The following VPS26B variants were observed in gnomAD, a reference collection of about 807,000 sequenced individuals.
The protein encoded by VPS26B is vacuolar protein sorting-associated protein 26B.
In VPS26B, 10 loss-of-function variants were observed where a neutral mutation model predicts 33.3. That is an observed-to-expected ratio of 0.30 (90% CI 0.19 to 0.51). The LOEUF (loss-of-function observed/expected upper bound fraction) is 0.51. VPS26B is among the 20% of genes least tolerant of loss of function. The pLI, the probability that VPS26B is intolerant of heterozygous loss-of-function variation, is 0.98. For synonymous variants in VPS26B, 190 were observed against 176.9 expected (o/e 1.07, Z -0.59); for missense variants, 317 against 452.7 (o/e 0.70, Z 2.72).
At chr11:134,243,542 T>G in intron 4 of VPS26B, 2 of 491,764 alleles carry the variant, frequency 4.1e-6, no homozygotes, top group East Asian at 6.6e-5. Context: ...TATATCGGGC[T>G]TGTACTGAAG....
intron 1 of VPS26B, among the ~76,000 whole-genome samples, chr11:134,234,348 A>G (rs1938600425): frequency 6.6e-6 from 1 of 152,188 alleles, no homozygotes; most frequent in African/African-American, 2.4e-5. Context: ...GACCTGCATT[A>G]TACCAGCTGA....
Position 134,246,010 on chromosome 11 carries a change from TC to T in VPS26B, c.*424del, listed in dbSNP as rs1430978646. On this transcript the variant is annotated 3_prime_UTR_variant, in exon 6 of 6. Coordinates refer to ENST00000281187, the MANE Select transcript of VPS26B (RefSeq NM_052875.5). ...GGCCCTGGGTAGTCACATCTTGTAC[TC>T]CCCTTTGCTGTCCCGGAGGTAGTGG... The T allele has an allele frequency of 1.8e-5, 3 of 164,800 alleles. No individual in the cohort carries two copies. Among genetic ancestry groups the T allele is most frequent in the African/African-American group, 7.2e-5 (3 of 41,936 alleles). The allele number at this position is 164,800 out of a possible 1,614,324, so 10.2% of individuals were successfully genotyped here.
chr11:134,246,389 T>C lies in VPS26B; in HGVS notation c.*799T>C, dbSNP rs1480663525. ...CACTTGGTAACCCCAAGGTCTGGGC[T>C]GTTCTAGGTATTGCTTCACGTGCCC... On this transcript the variant is annotated 3_prime_UTR_variant, in exon 6 of 6. Coordinates refer to ENST00000281187, the MANE Select transcript of VPS26B (RefSeq NM_052875.5). 2.0e-5 allele frequency: 3 copies of C among 152,186 alleles called. No individual in the cohort carries two copies. The highest frequency in any genetic ancestry group is 6.5e-5 in the Admixed American group (1 of 15,280). 9.4% of individuals were successfully genotyped at this position (152,186 alleles called of 1,614,324 possible).
At position 134,245,924 on chromosome 11, in the gene VPS26B, G is replaced by A; in HGVS notation, c.*334G>A. 1 of 265,380 alleles carries A rather than the reference G, an allele frequency of 3.8e-6. No individual in the cohort carries two copies. The highest frequency in any genetic ancestry group is 7.4e-6 in the Non-Finnish European group (1 of 135,234). 16.4% of individuals were successfully genotyped at this position (265,380 alleles called of 1,614,324 possible). On this transcript the variant is annotated 3_prime_UTR_variant, in exon 6 of 6. Transcript: ENST00000281187. The surrounding 1 kb of genome is among the most constrained non-coding windows in gnomAD (Gnocchi z 4.7). ...AGAGAGCACGCATCCTTGGCTCCTG[G>A]CTCTCTGAGCTTCCTGATACAGGAT...
chr11:134,243,698 C>T (rs552730639), intron 4 of VPS26B: 7 of 167,058 alleles, frequency 4.2e-5, no homozygotes, highest in Non-Finnish European at 7.7e-5. Context: ...TGACTTGGCT[C>T]TAGCTCCGAT....
rs947576493 is a variant in VPS26B, at chr11:134,240,476, T to C, written c.545+321T>C. On this transcript the variant is annotated intron_variant, in intron 3 of 5. Transcript: ENST00000281187. The surrounding 1 kb of genome is among the most constrained non-coding windows in gnomAD (Gnocchi z 4.4). ...TTTTGGAATTCCAGCTTCAGCTGTT[T>C]CCCGCTACTGCTAAGAACAATCTCA... 1.3e-5 allele frequency among the ~76,000 whole-genome samples: 2 copies of C among 152,234 alleles called. No homozygotes were observed. Among genetic ancestry groups the C allele is most frequent in the African/African-American group, 2.4e-5 (1 of 41,456 alleles).
In VPS26B at chr11:134,244,492, C is replaced by T. The variant is rs902343814; in HGVS notation, c.722-446C>T. 6.5e-6 allele frequency: 1 copy of T among 154,130 alleles called. No individual in the cohort carries two copies. The highest frequency in any genetic ancestry group is 1.4e-5 in the Non-Finnish European group (1 of 69,486). The allele number at this position is 154,130 out of a possible 1,614,324, so 9.5% of individuals were successfully genotyped here. A position where few individuals can be genotyped will look rare whatever the true frequency, so the allele number is the denominator to read the frequency against. ...GGCCATAGTGAGGACTTTCTGCTTTCCACCATACCACCTTGCCAGTCCACA... is the reference window on the plus strand; with the variant it reads ...GGCCATAGTGAGGACTTTCTGCTTTTCACCATACCACCTTGCCAGTCCACA... On this transcript the variant is annotated intron_variant, in intron 4 of 5. Transcript: ENST00000281187. The surrounding 1 kb of genome is among the most constrained non-coding windows in gnomAD (Gnocchi z 4.0).
At chr11:134,243,426 G>A in intron 4 of VPS26B, 132 bp downstream of exon 4, 1 of 1,116,550 alleles carries the variant, frequency 9.0e-7, no homozygotes, top group Non-Finnish European at 1.2e-6. Flanking sequence ...TAATCTCTCA[G>A]TTTACACCGT....
intron 2 of VPS26B, among the ~76,000 whole-genome samples, chr11:134,237,697 G>T (rs754291524): frequency 2.0e-5 from 3 of 152,186 alleles, no homozygotes; most frequent in Non-Finnish European, 2.9e-5. Context: ...CGGGAAGAGT[G>T]TTTCAAGGAA....
intron 1 of VPS26B, among the ~76,000 whole-genome samples, chr11:134,233,703 C>T (rs182906019): frequency 1.1e-4 from 17 of 150,646 alleles, no homozygotes; most frequent in African/African-American, 2.2e-4. Context: ...CCAGCCTGGG[C>T]GACAGAGCGA....
In VPS26B at chr11:134,225,014, G is replaced by A. The variant is rs1471463784; in HGVS notation, c.-109G>A. The A allele has an allele frequency of 3.8e-6, 4 of 1,057,560 alleles. No homozygotes were observed. Among genetic ancestry groups the A allele is most frequent in the East Asian group, 3.3e-5 (1 of 30,400 alleles). The allele number at this position is 1,057,560 out of a possible 1,614,324, so 65.5% of individuals were successfully genotyped here. A position where few individuals can be genotyped will look rare whatever the true frequency, so the allele number is the denominator to read the frequency against. On this transcript the variant is annotated 5_prime_UTR_variant, in exon 1 of 6. Coordinates refer to ENST00000281187, the MANE Select transcript of VPS26B (RefSeq NM_052875.5). Reference sequence around the variant, plus strand: ...CGGCGGAGCCAGGCAGCCCCGCGGCGGCCGAGCGCGCTCGCGCATCGGGCC... The same window carrying A: ...CGGCGGAGCCAGGCAGCCCCGCGGCAGCCGAGCGCGCTCGCGCATCGGGCC...
At chr11:134,241,222 T>C (rs1330374162) in intron 3 of VPS26B, among the ~76,000 whole-genome samples, 1 of 152,164 alleles carries the variant, frequency 6.6e-6, no homozygotes, top group Non-Finnish European at 1.5e-5. Context: ...GGATTTTCAT[T>C]GTGGCACCCC....
chr11:134,224,973 C>T lies in VPS26B; in HGVS notation c.-150C>T. On this transcript the variant is annotated 5_prime_UTR_variant, in exon 1 of 6. Transcript: ENST00000281187. ...GTGGAGCCGGCTGTCCGTCGGCGCC[C>T]ACTGCCCGGCGGCAGCGGCGGAGCC... 1.8e-6 allele frequency: 1 copy of T among 541,256 alleles called. No homozygotes were observed. The highest frequency in any genetic ancestry group is 2.7e-6 in the Non-Finnish European group (1 of 375,508). 33.5% of individuals were successfully genotyped at this position (541,256 alleles called of 1,614,324 possible).
At position 134,241,701 on chromosome 11, in the gene VPS26B, A is replaced by G. The variant is rs980500263; in HGVS notation, c.546-1418A>G. ...ATGCCAGACCAAAGCTAGTGTGGAAAAGGTGCTCTAGAGAGGCAGGGACGG... is the reference window on the plus strand; with the variant it reads ...ATGCCAGACCAAAGCTAGTGTGGAAGAGGTGCTCTAGAGAGGCAGGGACGG... On this transcript the variant is annotated intron_variant, in intron 3 of 5. Transcript: ENST00000281187. 1.1e-4 allele frequency among the ~76,000 whole-genome samples: 16 copies of G among 152,330 alleles called. No homozygotes were observed. In the East Asian group the frequency reaches 3.1e-3, roughly 29 times the overall value.
At chr11:134,232,952 A>T (rs1353596608) in intron 1 of VPS26B, among the ~76,000 whole-genome samples, 1 of 152,096 alleles carries the variant, frequency 6.6e-6, no homozygotes, top group Non-Finnish European at 1.5e-5. Flanking sequence ...TCTGCCTGTC[A>T]TATACTTCTG....
chr11:134,225,593 C>A lies in VPS26B; in HGVS notation c.223+248C>A, dbSNP rs140435749. The A allele has an allele frequency of 2.3e-3, 1,194 of 523,086 alleles. 30 individuals are homozygous for A. The highest frequency in any genetic ancestry group is 0.011 in the Middle Eastern group (36 of 3,302). The allele number at this position is 523,086 out of a possible 1,614,324, so 32.4% of individuals were successfully genotyped here. ...GGGCGGGAGGAAGCGCCCTGCTGTG[C>A]CTCGTGGGATGGGCACCTTGCCTAT... On this transcript the variant is annotated intron_variant, in intron 1 of 5. Coordinates refer to ENST00000281187, the MANE Select transcript of VPS26B (RefSeq NM_052875.5).
At chr11:134,226,460 G>A (rs1938474523) in intron 1 of VPS26B, among the ~76,000 whole-genome samples, 1 of 152,152 alleles carries the variant, frequency 6.6e-6, no homozygotes, top group Admixed American at 6.5e-5. Context: ...GGCAGTAATG[G>A]TAAAGTGATT....
chr11:134,225,116 C>T lies in VPS26B; in HGVS notation c.-7C>T, dbSNP rs779096178. 6 of 1,595,788 alleles carry T rather than the reference C, an allele frequency of 3.8e-6. No homozygotes were observed. Among genetic ancestry groups the T allele is most frequent in the Non-Finnish European group, 5.1e-6 (6 of 1,169,414 alleles). ...CCTTACCGAGACCCGCCCGGCCCGG[C>T]GGTGCGATGAGCTTCTTCGGCTTCG... On this transcript the variant is annotated 5_prime_UTR_variant, in exon 1 of 6. Transcript: ENST00000281187.
intron 1 of VPS26B, among the ~76,000 whole-genome samples, chr11:134,234,586 A>G (rs1202638204): frequency 6.6e-6 from 1 of 152,208 alleles, no homozygotes; most frequent in Non-Finnish European, 1.5e-5. Flanking sequence ...TGTTTAAAGA[A>G]GTGTGGCATT....
Sources: gnomAD v4.1 joint callset for allele counts (sites outside exome capture counted in the v4.1 genomes callset) on GRCh38, gnomAD v4.1.1 for gene constraint, Gnocchi (gnomAD v3.1) non-coding constraint, MANE v1.5 for transcripts, NCBI Gene and HGNC (gene_info 2026-07-23, HGNC 2026-07-21) for gene names.